The following DLG2 variants were observed in gnomAD, a reference collection of about 807,000 sequenced individuals.
DLG2 encodes disks large homolog 2.
Under a neutral mutation model 132.5 loss-of-function variants are expected in DLG2, and 45 were observed. That is an observed-to-expected ratio of 0.34 (90% CI 0.27 to 0.44). The LOEUF is 0.44. Among genes scored for constraint, DLG2 ranks in the 20% least tolerant of loss-of-function variants. The probability of loss-of-function intolerance (pLI) is 1.00; values close to 1 mark genes in which losing one functional copy is unlikely to be tolerated. For synonymous variants in DLG2, 424 were observed against 419.6 expected (o/e 1.01, Z -0.13); for missense variants, 1,045 against 1,196.9 (o/e 0.87, Z 1.87).
At chr11:83,928,555 C>T (rs1346115152) in intron 15 of DLG2, among the ~76,000 whole-genome samples, 4 of 151,802 alleles carry the variant, frequency 2.6e-5, no homozygotes, top group South Asian at 4.2e-4. Context: ...TATGAGAAGT[C>T]GGGATAAAGA....
chr11:85,004,211 T>G (rs2058448642), intron 6 of DLG2, among the ~76,000 whole-genome samples: 1 of 152,208 alleles, frequency 6.6e-6, no homozygotes, highest in African/African-American at 2.4e-5. Flanking sequence ...ATAGAATGAT[T>G]TATAATCCTT....
At chr11:84,469,709 C>T (rs1207630307) in intron 7 of DLG2, among the ~76,000 whole-genome samples, 1 of 151,554 alleles carries the variant, frequency 6.6e-6, no homozygotes, top group African/African-American at 2.4e-5. Context: ...CATGAACACA[C>T]AACAAATAAC....
intron 4 of DLG2, among the ~76,000 whole-genome samples, chr11:85,228,345 C>T (rs545895905): frequency 5.3e-5 from 8 of 152,090 alleles, no homozygotes; most frequent in South Asian, 2.1e-4. Context: ...GGATTCAAAA[C>T]GGAAGAACAG....
chr11:84,859,209 G>T (rs2083219031), intron 6 of DLG2, among the ~76,000 whole-genome samples: 3 of 150,444 alleles, frequency 2.0e-5, no homozygotes, highest in African/African-American at 7.3e-5. Flanking sequence ...GTAATTTGTT[G>T]CTCTTAAAGA....
intron 4 of DLG2, among the ~76,000 whole-genome samples, chr11:85,243,687 G>A (rs1300077341): frequency 6.6e-6 from 1 of 151,896 alleles, no homozygotes; most frequent in Non-Finnish European, 1.5e-5. Context: ...CAAATAAAGA[G>A]CATATTAAAG....
chr11:83,457,492 AAAAT>A lies in DLG2; in HGVS notation c.*2322_*2325del, dbSNP rs772810596. The A allele has an allele frequency of 6.6e-6, 1 of 152,650 alleles. No homozygotes were observed. The allele number at this position is 152,650 out of a possible 1,614,324, so 9.5% of individuals were successfully genotyped here. A position where few individuals can be genotyped will look rare whatever the true frequency, so the allele number is the denominator to read the frequency against. ...CTAATCTGAAAGCATCTACACTAGG[AAAAT>A]AAATAGTTATATTACTACAAAACCA... On this transcript the variant is annotated 3_prime_UTR_variant, in exon 28 of 28. Transcript: ENST00000376104.
At chr11:85,558,297 A>G (rs1237719123) in intron 3 of DLG2, among the ~76,000 whole-genome samples, 1 of 151,880 alleles carries the variant, frequency 6.6e-6, no homozygotes, top group Non-Finnish European at 1.5e-5. Context: ...AAAATGTCAA[A>G]AAGCAATAGA....
intron 8 of DLG2, among the ~76,000 whole-genome samples, chr11:84,207,154 A>G (rs576483691): frequency 6.6e-6 from 1 of 151,998 alleles, no homozygotes; most frequent in South Asian, 2.1e-4. Context: ...GATAGCTTAC[A>G]TAAATGGAAA....
Position 83,937,526 on chromosome 11 carries a change from A to AG in DLG2, c.1341-7044_1341-7043insC, listed in dbSNP as rs1200988916. ...CCATCTCAAAAAAAAAAAAAAAAAA[A>AG]AAAATTGAAACCACTGAAGCAAGAA... is the stretch of plus-strand genomic sequence containing the variant. On this transcript the variant is annotated intron_variant, in intron 14 of 27. Coordinates refer to ENST00000376104, the MANE Select transcript of DLG2 (RefSeq NM_001142699.3). 3.2e-3 allele frequency among the ~76,000 whole-genome samples: 486 copies of AG among 150,314 alleles called. 6 individuals are homozygous for AG. Among genetic ancestry groups the AG allele is most frequent in the African/African-American group, 0.012 (469 of 40,074 alleles).
chr11:85,391,249 A>G (rs962626102), intron 3 of DLG2, among the ~76,000 whole-genome samples: 5 of 152,118 alleles, frequency 3.3e-5, no homozygotes, highest in Admixed American at 2.0e-4. Context: ...AAAGAAATAG[A>G]AACTCTGAAC....
intron 11 of DLG2, among the ~76,000 whole-genome samples, chr11:83,996,337 G>T (rs1175971607): frequency 6.6e-6 from 1 of 152,126 alleles, no homozygotes; most frequent in Non-Finnish European, 1.5e-5. Flanking sequence ...TACTGGCTGG[G>T]ATATGGGAAA....
At chr11:84,560,237 A>G (rs2099423046) in intron 6 of DLG2, among the ~76,000 whole-genome samples, 1 of 152,134 alleles carries the variant, frequency 6.6e-6, no homozygotes, top group African/African-American at 2.4e-5. Flanking sequence ...AAATGAAGCA[A>G]CTTAAGTCAG....
At chr11:85,071,349 C>A (rs545566061) in intron 6 of DLG2, among the ~76,000 whole-genome samples, 81 of 151,872 alleles carry the variant, frequency 5.3e-4, no homozygotes, top group Middle Eastern at 3.4e-3. Flanking sequence ...TCCAAGCCAA[C>A]CCAGACAAAA....
intron 3 of DLG2, among the ~76,000 whole-genome samples, chr11:85,424,638 T>C (rs1451203898): frequency 1.3e-5 from 2 of 152,204 alleles, no homozygotes; most frequent in African/African-American, 4.8e-5. Flanking sequence ...TATTCTCTTA[T>C]ATATTACAGA....
At chr11:84,377,322 G>C (rs1047451274) in intron 7 of DLG2, among the ~76,000 whole-genome samples, 1 of 151,922 alleles carries the variant, frequency 6.6e-6, no homozygotes, top group Non-Finnish European at 1.5e-5. Context: ...ACCTATTCTA[G>C]ATTAAAGGGA....
chr11:85,296,379 AC>A (rs1168038003), intron 3 of DLG2, among the ~76,000 whole-genome samples: 3 of 152,058 alleles, frequency 2.0e-5, no homozygotes, highest in Admixed American at 6.6e-5. Context: ...CATGTAAAAT[AC>A]AACATCCCTC....
chr11:84,732,931 G>A (rs924014971), intron 6 of DLG2, among the ~76,000 whole-genome samples: 14 of 152,048 alleles, frequency 9.2e-5, no homozygotes, highest in African/African-American at 2.9e-4. Flanking sequence ...GAGAATGATG[G>A]TTTCCAGCTT....
intron 16 of DLG2, among the ~76,000 whole-genome samples, chr11:83,849,173 T>C (rs2059198867): frequency 6.6e-6 from 1 of 152,110 alleles, no homozygotes; most frequent in Non-Finnish European, 1.5e-5. Flanking sequence ...CTTCATCTTG[T>C]TGAACCTCAG....
intron 7 of DLG2, among the ~76,000 whole-genome samples, chr11:84,262,330 T>G (rs1014425389): frequency 2.0e-5 from 3 of 152,094 alleles, no homozygotes; most frequent in Non-Finnish European, 2.9e-5. Context: ...AGAAGTTAGG[T>G]GGGAGGAAGT....
Sources: gnomAD v4.1 joint callset for allele counts (sites outside exome capture counted in the v4.1 genomes callset) on GRCh38, gnomAD v4.1.1 for gene constraint, MANE v1.5 for transcripts, NCBI Gene and HGNC (gene_info 2026-07-23, HGNC 2026-07-21) for gene names.